Variants in PIK3C2G observed in about 807,000 individuals in gnomAD.
PIK3C2G encodes the protein phosphatidylinositol-4-phosphate 3-kinase catalytic subunit type 2 gamma.
A neutral mutation model predicts 181.1 loss-of-function variants in PIK3C2G; 168 were observed. The observed-to-expected ratio is 0.93, with a 90% CI of 0.82 to 1.05. The LOEUF (loss-of-function observed/expected upper bound fraction) is 1.05. Among genes scored for constraint, PIK3C2G ranks in the 50% least tolerant of loss-of-function variants. The pLI is 0.00. For missense variants in PIK3C2G, 1,869 were observed against 1,732.8 expected, an observed-to-expected ratio of 1.08 and a Z score of -1.40; for synonymous variants, 573 against 592.2, an observed-to-expected ratio of 0.97 and a Z score of 0.47.
At chr12:18,383,987 A>AT (rs71440366) in intron 14 of PIK3C2G, among the ~76,000 whole-genome samples, 27,810 of 136,896 alleles carry the variant, frequency 0.2, 3,281 homozygotes, top group Non-Finnish European at 0.27. Flanking sequence ...TATTATTATT[A>AT]TTTTTTTTTT....
At chr12:18,448,942 G>C (rs1947180631) in intron 18 of PIK3C2G, among the ~76,000 whole-genome samples, 1 of 151,650 alleles carries the variant, frequency 6.6e-6, no homozygotes. Flanking sequence ...AGGCTGCAAT[G>C]AATGTGAGAC....
At chr12:18,681,335 A>G in the PIK3C2G span, among the ~76,000 whole-genome samples, 3 of 152,026 alleles carry the variant, frequency 2.0e-5, no homozygotes, top group African/African-American at 7.2e-5. Flanking sequence ...AGTTTAAAAA[A>G]TCTTCTGTTG....
intron 24 of PIK3C2G, among the ~76,000 whole-genome samples, chr12:18,508,773 C>T (rs1175057960): frequency 2.0e-5 from 3 of 152,056 alleles, no homozygotes; most frequent in Non-Finnish European, 4.4e-5. Flanking sequence ...TAATAACACC[C>T]CCCATAATAT....
At chr12:18,640,380 T>C in intron 31 of PIK3C2G, 49 bp from the exon 32 acceptor site, 1 of 1,550,036 alleles carries the variant, frequency 6.5e-7, no homozygotes, top group Non-Finnish European at 8.8e-7. Flanking sequence ...TGTATTTGTT[T>C]TCTTTGATAG....
chr12:18,352,073 A>T (rs768733861), intron 11 of PIK3C2G, among the ~76,000 whole-genome samples: 6 of 152,082 alleles, frequency 3.9e-5, no homozygotes, highest in Non-Finnish European at 7.4e-5. Flanking sequence ...AATATTTCTG[A>T]TCTGTGGTTG....
At chr12:18,347,488 A>T (rs929430199) in intron 11 of PIK3C2G, among the ~76,000 whole-genome samples, 2 of 152,210 alleles carry the variant, frequency 1.3e-5, no homozygotes, top group Non-Finnish European at 2.9e-5. Context: ...CATCTCAAGG[A>T]AAAACTGAAA....
intron 3 of PIK3C2G, among the ~76,000 whole-genome samples, chr12:18,289,467 A>G (rs1949594246): frequency 6.6e-6 from 1 of 152,200 alleles, no homozygotes; most frequent in Non-Finnish European, 1.5e-5. Context: ...GATAAATGCT[A>G]ACTCATAAGG....
intron 24 of PIK3C2G, among the ~76,000 whole-genome samples, chr12:18,534,351 C>T (rs1309847302): frequency 6.6e-6 from 1 of 151,882 alleles, no homozygotes; most frequent in African/African-American, 2.4e-5. Flanking sequence ...CATTTTTAAA[C>T]CACCAACTCA....
chr12:18,510,476 GA>G (rs1296025338), intron 24 of PIK3C2G, among the ~76,000 whole-genome samples: 1 of 152,094 alleles, frequency 6.6e-6, no homozygotes, highest in East Asian at 1.9e-4. Context: ...GAGAAATTGA[GA>G]AAAACATTTA....
intron 18 of PIK3C2G, among the ~76,000 whole-genome samples, chr12:18,433,719 A>G (rs1369189966): frequency 6.6e-6 from 1 of 152,200 alleles, no homozygotes; most frequent in Non-Finnish European, 1.5e-5. Context: ...GCAACTACCA[A>G]TTATGCTAAT....
intron 31 of PIK3C2G, among the ~76,000 whole-genome samples, chr12:18,611,108 T>G (rs1948307549): frequency 6.6e-6 from 1 of 152,092 alleles, no homozygotes; most frequent in South Asian, 2.1e-4. Context: ...AAATGCATTT[T>G]ACACTCAGAT....
chr12:18,390,939 T>C (rs1008644176), intron 14 of PIK3C2G, among the ~76,000 whole-genome samples, 183 bp from the exon 15 acceptor site: 1 of 152,146 alleles, frequency 6.6e-6, no homozygotes, highest in Admixed American at 6.5e-5. Context: ...ATAACTTGTA[T>C]ATTTAAATCC....
chr12:18,598,512 A>G (rs1947507990), intron 30 of PIK3C2G, among the ~76,000 whole-genome samples: 1 of 151,916 alleles, frequency 6.6e-6, no homozygotes, highest in Admixed American at 6.6e-5. Context: ...GATGGATTAA[A>G]GACTTAAACG....
intron 18 of PIK3C2G, among the ~76,000 whole-genome samples, chr12:18,447,144 T>C (rs1947072493): frequency 6.6e-6 from 1 of 152,170 alleles, no homozygotes; most frequent in Admixed American, 6.6e-5. Context: ...GTTACCCCTA[T>C]TTGGTTCGTG....
At chr12:18,682,524 T>G in the PIK3C2G span, among the ~76,000 whole-genome samples, 2 of 152,054 alleles carry the variant, frequency 1.3e-5, no homozygotes, top group Non-Finnish European at 2.9e-5. Context: ...GCAAGTGAGA[T>G]AGCACAGGAA....
the PIK3C2G span, among the ~76,000 whole-genome samples, chr12:18,710,642 T>C: frequency 6.6e-6 from 1 of 152,066 alleles, no homozygotes; most frequent in Non-Finnish European, 1.5e-5. Context: ...GGCAGTGGGA[T>C]CATTTAAATG....
chr12:18,534,967 AAATAAGATT>A (rs1943771703), intron 24 of PIK3C2G, among the ~76,000 whole-genome samples: 1 of 152,118 alleles, frequency 6.6e-6, no homozygotes, highest in Non-Finnish European at 1.5e-5. Flanking sequence ...TTATAGCTAT[AAATAAGATT>A]TTCAATATAT....
At chr12:18,391,314 C>T in intron 15 of PIK3C2G, 62 bp downstream of exon 15, 2 of 1,305,388 alleles carry the variant, frequency 1.5e-6, no homozygotes, top group Non-Finnish European at 2.1e-6. Context: ...CTCAATCATT[C>T]TTGAAGCATG....
At chr12:18,636,726 G>T (rs1275315655) in intron 31 of PIK3C2G, among the ~76,000 whole-genome samples, 1 of 152,116 alleles carries the variant, frequency 6.6e-6, no homozygotes, top group East Asian at 1.9e-4. Flanking sequence ...GGCCAAATAG[G>T]CAAATTGAGT....
Sources: allele counts gnomAD v4.1 joint callset (sites outside exome capture counted in the v4.1 genomes callset), GRCh38; gene constraint gnomAD v4.1.1; transcripts MANE v1.5; gene names NCBI Gene and HGNC (gene_info 2026-07-23, HGNC 2026-07-21).